The following ZNF516 variants were observed in gnomAD, a reference collection of about 807,000 sequenced individuals.
ZNF516 encodes the protein zinc finger protein 516.
Under a neutral mutation model 79.7 loss-of-function variants are expected in ZNF516, and 19 were observed. The observed-to-expected ratio is 0.24, with a 90% CI of 0.17 to 0.35. ZNF516 has a LOEUF of 0.35. Among genes scored for constraint, ZNF516 ranks in the 10% least tolerant of loss-of-function variants. The pLI is 1.00. For synonymous variants in ZNF516, 877 were observed against 739.5 expected, an observed-to-expected ratio of 1.19 and a Z score of -3.02; for missense variants, 1,678 against 1,679.5, an observed-to-expected ratio of 1.00 and a Z score of 0.02.
chr18:76,483,425 G>A (rs1039290717), intron 1 of ZNF516, among the ~76,000 whole-genome samples: 3 of 152,080 alleles, frequency 2.0e-5, no homozygotes, highest in East Asian at 1.9e-4. Flanking sequence ...TGTCTCTGCC[G>A]CCTCCCTGCC....
At chr18:76,473,545 T>G (rs984656520) in intron 1 of ZNF516, among the ~76,000 whole-genome samples, 13 of 152,206 alleles carry the variant, frequency 8.5e-5, no homozygotes, top group African/African-American at 3.1e-4. Context: ...CTCACGCCTG[T>G]AATCACAGCA....
intron 6 of ZNF516, among the ~76,000 whole-genome samples, chr18:76,365,992 G>C (rs1204040318): frequency 6.6e-6 from 1 of 152,174 alleles, no homozygotes; most frequent in Non-Finnish European, 1.5e-5. Context: ...ATGGCTGCTT[G>C]ACTATCTGGT....
At position 76,424,483 on chromosome 18, in the gene ZNF516, A is replaced by G. The variant is rs149268456; in HGVS notation, c.1810+16762T>C. Reference sequence around the variant, plus strand: ...CACACGCAGGTGAAAAGGTTCCCACATGAAACACACGCAGGTGAAAAGGTT... The same window carrying G: ...CACACGCAGGTGAAAAGGTTCCCACGTGAAACACACGCAGGTGAAAAGGTT... On this transcript the variant is annotated intron_variant, in intron 3 of 6. Coordinates refer to ENST00000443185, the MANE Select transcript of ZNF516 (RefSeq NM_014643.4). 2.5e-3 allele frequency among the ~76,000 whole-genome samples: 350 copies of G among 142,580 alleles called. 2 individuals are homozygous for G. Among genetic ancestry groups the G allele is most frequent in the African/African-American group, 8.5e-3 (322 of 37,940 alleles). 93.5% of individuals were successfully genotyped at this position (142,580 alleles called of 152,430 possible).
chr18:76,482,545 C>A (rs1485315983), intron 1 of ZNF516, among the ~76,000 whole-genome samples: 1 of 152,172 alleles, frequency 6.6e-6, no homozygotes, highest in Non-Finnish European at 1.5e-5. Context: ...CTAACATTTA[C>A]CCATTCCAAG....
At chr18:76,478,168 A>C (rs1432884584) in intron 1 of ZNF516, among the ~76,000 whole-genome samples, 2 of 152,242 alleles carry the variant, frequency 1.3e-5, no homozygotes, top group East Asian at 3.8e-4. Context: ...AGAGTGACAG[A>C]TTCATAAAGA....
chr18:76,419,161 T>C (rs1381800365), intron 3 of ZNF516, among the ~76,000 whole-genome samples: 3 of 152,206 alleles, frequency 2.0e-5, no homozygotes, highest in African/African-American at 7.2e-5. Flanking sequence ...TCTGAGACCC[T>C]GGGGGAATTC....
intron 2 of ZNF516, among the ~76,000 whole-genome samples, chr18:76,461,912 G>A (rs1454397070): frequency 2.6e-5 from 4 of 152,204 alleles, no homozygotes; most frequent in Non-Finnish European, 4.4e-5. Flanking sequence ...AGGGTGCGGC[G>A]TCCAGCCCTG....
chr18:76,370,062 CT>C (rs2074677436), intron 6 of ZNF516, among the ~76,000 whole-genome samples: 1 of 152,250 alleles, frequency 6.6e-6, no homozygotes, highest in African/African-American at 2.4e-5. Flanking sequence ...TTCAGGCACT[CT>C]GGCCTTGCCA....
At chr18:76,428,770 G>GCC (rs1402918367) in intron 3 of ZNF516, among the ~76,000 whole-genome samples, 1 of 152,264 alleles carries the variant, frequency 6.6e-6, no homozygotes, top group Non-Finnish European at 1.5e-5. Flanking sequence ...GGCCGGTAAG[G>GCC]ACAGTCAACA....
At chr18:76,496,412 C>CT, upstream of ZNF516, 1 of 1,289,704 alleles carries the variant, frequency 7.8e-7, no homozygotes, top group Non-Finnish European at 1.0e-6. Context: ...GGCGGCGTCT[C>CT]TCTCTGCGCC....
At chr18:76,480,866 A>T (rs1425662438) in intron 1 of ZNF516, among the ~76,000 whole-genome samples, 2 of 152,206 alleles carry the variant, frequency 1.3e-5, no homozygotes, top group African/African-American at 4.8e-5. Context: ...CAAAATCAAA[A>T]GAAGAGTATT....
Position 76,442,972 on chromosome 18 carries a change from C to A in ZNF516, c.83G>T (p.Gly28Val). ...TRAGRGHEVD[G>V]DKATCHTCCI... is the part of the protein sequence containing the mutation. ...GCAGGTGTGGCAGGTAGCCTTGTCCCCATCCACCTCGTGGCCCCGGCCGGC... is the reference window on the plus strand; with the variant it reads ...GCAGGTGTGGCAGGTAGCCTTGTCCACATCCACCTCGTGGCCCCGGCCGGC... The change falls in exon 3 of 7, where the codon GGG becomes GTG. Residue 28 changes from glycine (G) to valine (V), a missense_variant. Gly to Val is a moderately radical substitution (Grantham distance 109). Coordinates refer to ENST00000443185, the MANE Select transcript of ZNF516 (RefSeq NM_014643.4). 1 of 1,606,572 alleles carries A rather than the reference C, an allele frequency of 6.2e-7. No individual in the cohort carries two copies. The highest frequency in any genetic ancestry group is 8.5e-7 in the Non-Finnish European group (1 of 1,179,742).
chr18:76,368,162 T>C lies in ZNF516; in HGVS notation c.3432+2366A>G, dbSNP rs1161411616. ...TAAGGTATCTTAAATTTAACACAGC[T>C]ATTGTGGTTTCTGTAAACAATGAGA... is the stretch of plus-strand genomic sequence containing the variant. On this transcript the variant is annotated intron_variant, in intron 6 of 6. Coordinates refer to ENST00000443185, the MANE Select transcript of ZNF516 (RefSeq NM_014643.4). Among the ~76,000 whole-genome samples the C allele has an allele frequency of 3.9e-5, 6 of 152,218 alleles. No homozygotes were observed. In the East Asian group the frequency reaches 1.2e-3, roughly 29 times the overall value.
intron 3 of ZNF516, among the ~76,000 whole-genome samples, chr18:76,407,223 A>T (rs938260138): frequency 1.3e-5 from 2 of 152,154 alleles, no homozygotes; most frequent in Non-Finnish European, 2.9e-5. Context: ...TGAGTGCAAG[A>T]GTTCGAGAAC....
At chr18:76,411,287 A>G (rs73975418) in intron 3 of ZNF516, among the ~76,000 whole-genome samples, 3,077 of 152,338 alleles carry the variant, frequency 0.02, 82 homozygotes, top group African/African-American at 0.07. Flanking sequence ...CCCCAGAGAC[A>G]AAATGCCTCA....
At chr18:76,495,666 T>G, upstream of ZNF516, 1 of 1,165,902 alleles carries the variant, frequency 8.6e-7, no homozygotes, top group Non-Finnish European at 1.1e-6. Context: ...CGGAGGCCGT[T>G]TCCGCGCGCA....
intron 1 of ZNF516, among the ~76,000 whole-genome samples, chr18:76,480,518 C>CAT (rs1914455466): frequency 1.4e-5 from 1 of 71,004 alleles, no homozygotes; most frequent in African/African-American, 9.7e-5. Flanking sequence ...CACACACACA[C>CAT]ACACACATAT....
chr18:76,472,920 C>T (rs1488860520), intron 1 of ZNF516, among the ~76,000 whole-genome samples: 1 of 151,994 alleles, frequency 6.6e-6, no homozygotes, highest in African/African-American at 2.4e-5. Flanking sequence ...CACTAATAGA[C>T]TAAAAAACAA....
At chr18:76,434,905 C>G (rs145337338) in intron 3 of ZNF516, among the ~76,000 whole-genome samples, 1 of 152,258 alleles carries the variant, frequency 6.6e-6, no homozygotes, top group South Asian at 2.1e-4. Flanking sequence ...ACTTCTAATA[C>G]CACACTGTGA....
Sources: gnomAD v4.1 joint callset for allele counts (sites outside exome capture counted in the v4.1 genomes callset) on GRCh38, gnomAD v4.1.1 for gene constraint, MANE v1.5 for transcripts, NCBI Gene and HGNC (gene_info 2026-07-23, HGNC 2026-07-21) for gene names.